Variants in CHCHD3 observed in about 807,000 individuals in gnomAD.
CHCHD3 encodes MICOS complex subunit MIC19.
CHCHD3 carries 20 observed loss-of-function variants against 38.2 expected under a neutral mutation model. The observed-to-expected ratio is 0.52, with a 90% CI of 0.37 to 0.76. CHCHD3 has a LOEUF of 0.76. CHCHD3 is among the 30% of genes least tolerant of loss of function. The pLI, the probability that CHCHD3 is intolerant of heterozygous loss-of-function variation, is 0.00. For missense variants in CHCHD3, 245 were observed against 279.2 expected, an observed-to-expected ratio of 0.88 and a Z score of 0.87; for synonymous variants, 82 against 100.0, an observed-to-expected ratio of 0.82 and a Z score of 1.07.
chr7:133,021,251 G>A (rs1344579504), intron 3 of CHCHD3, among the ~76,000 whole-genome samples: 1 of 152,162 alleles, frequency 6.6e-6, no homozygotes, highest in East Asian at 1.9e-4. Flanking sequence ...AATTCTAAGA[G>A]ATAAAGTATT....
intron 3 of CHCHD3, among the ~76,000 whole-genome samples, chr7:133,004,814 T>C (rs1289115209): frequency 3.3e-5 from 5 of 152,178 alleles, no homozygotes; most frequent in Non-Finnish European, 5.9e-5. Flanking sequence ...CTGATTACCA[T>C]GGCACGGCAA....
intron 2 of CHCHD3, among the ~76,000 whole-genome samples, chr7:133,027,363 A>AAG (rs371411456): frequency 0.012 from 1,552 of 133,846 alleles, 27 homozygotes; most frequent in African/African-American, 0.037. Context: ...AATAAGTTGT[A>AAG]AGAGAGAGAG....
intron 5 of CHCHD3, among the ~76,000 whole-genome samples, chr7:132,864,643 G>A (rs892468184): frequency 2.6e-5 from 4 of 151,962 alleles, no homozygotes; most frequent in African/African-American, 9.7e-5. Flanking sequence ...TTGTCCATCT[G>A]GCACCTCTTG....
Position 132,845,314 on chromosome 7 carries a change from GA to G in CHCHD3, c.454-6846del, listed in dbSNP as rs369489355. 1.1e-4 allele frequency among the ~76,000 whole-genome samples: 17 copies of G among 152,038 alleles called. No individual in the cohort carries two copies. In the South Asian group the frequency reaches 1.9e-3, roughly 17 times the overall value. ...TTATTAAAAATTATTTGAACAGGGGGAAAAAAACTGTATAGTGTGGGGTGGG... is the reference window on the plus strand; with the variant it reads ...TTATTAAAAATTATTTGAACAGGGGGAAAAAACTGTATAGTGTGGGGTGGG... On this transcript the variant is annotated intron_variant, in intron 5 of 7. Coordinates refer to ENST00000262570, the MANE Select transcript of CHCHD3 (RefSeq NM_017812.4).
At chr7:132,972,611 CTAAA>C in intron 4 of CHCHD3, 1 of 985,396 alleles carries the variant, frequency 1.0e-6, no homozygotes, top group South Asian at 4.7e-5. Flanking sequence ...TGCCCAATAA[CTAAA>C]TGTCACTGGC....
intron 4 of CHCHD3, among the ~76,000 whole-genome samples, chr7:132,892,657 T>C (rs1201681312): frequency 1.3e-5 from 2 of 152,134 alleles, no homozygotes; most frequent in African/African-American, 2.4e-5. Context: ...GAAAAACGGT[T>C]GCCTGGACCA....
At chr7:132,916,043 C>T (rs959410062) in intron 4 of CHCHD3, among the ~76,000 whole-genome samples, 3 of 151,364 alleles carry the variant, frequency 2.0e-5, no homozygotes, top group African/African-American at 7.3e-5. Flanking sequence ...GTTCAGCAAA[C>T]GACTATGCCT....
At chr7:132,882,114 G>C (rs994111463) in intron 5 of CHCHD3, among the ~76,000 whole-genome samples, 3 of 152,120 alleles carry the variant, frequency 2.0e-5, no homozygotes, top group African/African-American at 7.2e-5. Flanking sequence ...GCTGATATTT[G>C]TTAAGCTCTT....
At chr7:133,047,852 C>A (rs576546207) in intron 2 of CHCHD3, among the ~76,000 whole-genome samples, 2 of 152,140 alleles carry the variant, frequency 1.3e-5, no homozygotes, top group Admixed American at 6.5e-5. Flanking sequence ...CTTTGGGAGG[C>A]GGAGGTGGGC....
chr7:133,072,698 G>C (rs919036304), intron 1 of CHCHD3, among the ~76,000 whole-genome samples: 26 of 152,110 alleles, frequency 1.7e-4, no homozygotes, highest in Admixed American at 1.6e-3. Context: ...AATTAGCTGG[G>C]CGTGGTGGCG....
chr7:133,032,982 C>T (rs1392427075), intron 2 of CHCHD3, among the ~76,000 whole-genome samples: 4 of 152,068 alleles, frequency 2.6e-5, no homozygotes, highest in African/African-American at 7.2e-5. Flanking sequence ...TTCCATTTCA[C>T]GCAAATGGTC....
intron 4 of CHCHD3, among the ~76,000 whole-genome samples, chr7:132,903,066 C>G (rs1190335565): frequency 6.6e-6 from 1 of 152,144 alleles, no homozygotes; most frequent in Non-Finnish European, 1.5e-5. Context: ...CACTAGAAAG[C>G]CTCACTGCAC....
Position 133,016,674 on chromosome 7 carries a change from G to C in CHCHD3, c.251+7872C>G, listed in dbSNP as rs190708044. ...ACTGTGTTGCCCACATTCCTTTTTA[G>C]CTCGAGGCTATATTGGCAAAGCTAT... On this transcript the variant is annotated intron_variant, in intron 3 of 7. Coordinates refer to ENST00000262570, the MANE Select transcript of CHCHD3 (RefSeq NM_017812.4). Among the ~76,000 whole-genome samples, 267 of 152,248 alleles carry C rather than the reference G, an allele frequency of 1.8e-3. 1 individual carries two copies. Among genetic ancestry groups the C allele is most frequent in the African/African-American group, 6.2e-3 (256 of 41,548 alleles).
intron 2 of CHCHD3, chr7:133,036,082 G>A (rs909933782): frequency 1.0e-5 from 7 of 680,578 alleles, no homozygotes; most frequent in African/African-American, 5.3e-5. Flanking sequence ...AATTCGCTAG[G>A]CAATTGAGAT....
At chr7:132,785,741 G>T in intron 7 of CHCHD3, 81 bp from the exon 8 acceptor site, 1 of 1,390,134 alleles carries the variant, frequency 7.2e-7, no homozygotes, top group Non-Finnish European at 1.0e-6. Flanking sequence ...AGTATGATTT[G>T]TGTTGCTTTT....
intron 2 of CHCHD3, among the ~76,000 whole-genome samples, chr7:133,033,390 C>T (rs1228719772): frequency 6.6e-6 from 1 of 152,060 alleles, no homozygotes; most frequent in African/African-American, 2.4e-5. Context: ...CCATGAAGAT[C>T]CCTCCCCGTG....
chr7:132,998,956 T>C (rs1449469178), intron 3 of CHCHD3, among the ~76,000 whole-genome samples: 2 of 152,162 alleles, frequency 1.3e-5, no homozygotes, highest in Non-Finnish European at 2.9e-5. Flanking sequence ...AAAATCACAG[T>C]GCTCTGAAGA....
At chr7:132,828,190 T>A (rs763886592) in intron 6 of CHCHD3, among the ~76,000 whole-genome samples, 26 of 152,222 alleles carry the variant, frequency 1.7e-4, no homozygotes, top group Non-Finnish European at 3.1e-4. Context: ...TATAAGGAAC[T>A]GCCAACATTT....
intron 4 of CHCHD3, among the ~76,000 whole-genome samples, chr7:132,922,189 C>G (rs1240441377): frequency 6.6e-6 from 1 of 152,096 alleles, no homozygotes; most frequent in African/African-American, 2.4e-5. Flanking sequence ...ATGGGTGTGC[C>G]TGGGAAGCTG....
Sources: allele counts gnomAD v4.1 joint callset (sites outside exome capture counted in the v4.1 genomes callset), GRCh38; gene constraint gnomAD v4.1.1; transcripts MANE v1.5; gene names NCBI Gene and HGNC (gene_info 2026-07-23, HGNC 2026-07-21).